FRMD5: variants seen among roughly 807,000 people sequenced by gnomAD.
FRMD5 encodes the protein FERM domain-containing protein 5.
A neutral mutation model predicts 69.0 loss-of-function variants in FRMD5; 20 were observed. The observed-to-expected ratio is 0.29, with a 90% confidence interval of 0.20 to 0.42. FRMD5 has a LOEUF of 0.42. Ranked by LOEUF, FRMD5 falls within the 10% of genes least tolerant of loss-of-function variation. The pLI is 1.00. For synonymous variants in FRMD5, 271 were observed against 260.1 expected, an observed-to-expected ratio of 1.04 and a Z score of -0.40; for missense variants, 595 against 708.6, an observed-to-expected ratio of 0.84 and a Z score of 1.82.
chr15:43,883,646 G>A, intron 13 of FRMD5, 57 bp downstream of exon 13: 1 of 1,253,950 alleles, frequency 8.0e-7, no homozygotes, highest in Non-Finnish European at 1.1e-6. Flanking sequence ...CTCTTTTCAA[G>A]GTCCCAGATC....
chr15:43,905,149 T>C (rs1227079191), intron 6 of FRMD5, among the ~76,000 whole-genome samples: 5 of 150,772 alleles, frequency 3.3e-5, no homozygotes, highest in African/African-American at 1.2e-4. Context: ...TTTTTTTTTT[T>C]TTTTTGAGAT....
At chr15:44,093,660 T>A (rs1339056021) in intron 1 of FRMD5, among the ~76,000 whole-genome samples, 1 of 151,170 alleles carries the variant, frequency 6.6e-6, no homozygotes, top group Non-Finnish European at 1.5e-5. Context: ...GCAAGCTCCA[T>A]CTCCCGGGTT....
chr15:44,181,929 C>A (rs1479718966), intron 1 of FRMD5, among the ~76,000 whole-genome samples: 1 of 151,996 alleles, frequency 6.6e-6, no homozygotes, highest in African/African-American at 2.4e-5. Flanking sequence ...AATAATATCA[C>A]CATATCATAA....
rs760413250 is a variant in FRMD5, at chr15:43,989,514, C to T, written c.103-65205G>A. The T allele has an allele frequency of 2.8e-4, 248 of 894,432 alleles. 1 individual carries two copies. Among genetic ancestry groups the T allele is most frequent in the Middle Eastern group, 1.2e-3 (5 of 4,182 alleles). The allele number at this position is 894,432 out of a possible 1,614,324, so 55.4% of individuals were successfully genotyped here. A position where few individuals can be genotyped will look rare whatever the true frequency, so the allele number is the denominator to read the frequency against. On this transcript the variant is annotated intron_variant, in intron 1 of 13. Transcript: ENST00000417257. ...GAGGCCACCATGGCCATCTCCTGCT[C>T]GAAGTCCAGGGTGACATAGCACAGC...
chr15:43,934,097 G>A (rs2089720385), intron 1 of FRMD5, among the ~76,000 whole-genome samples: 1 of 152,168 alleles, frequency 6.6e-6, no homozygotes, highest in South Asian at 2.1e-4. Context: ...TGGCTGTCAA[G>A]ACCAGCCTTC....
upstream of FRMD5, among the ~76,000 whole-genome samples, chr15:44,198,185 G>A (rs554044611): frequency 8.6e-5 from 13 of 152,014 alleles, no homozygotes; most frequent in African/African-American, 3.1e-4. Context: ...TTAGCTGGGT[G>A]TGGTGGCACA....
chr15:44,096,955 T>C (rs1312897003), intron 1 of FRMD5, among the ~76,000 whole-genome samples: 1 of 152,132 alleles, frequency 6.6e-6, no homozygotes, highest in African/African-American at 2.4e-5. Flanking sequence ...TGATGCTTCA[T>C]ACAAAAAATG....
intron 1 of FRMD5, among the ~76,000 whole-genome samples, chr15:44,153,900 A>G (rs1448442758): frequency 6.6e-6 from 1 of 152,134 alleles, no homozygotes; most frequent in Non-Finnish European, 1.5e-5. Flanking sequence ...CCCAGGAGGT[A>G]GAGGTTGCAG....
chr15:43,999,885 C>T (rs143409202), intron 1 of FRMD5, among the ~76,000 whole-genome samples: 19 of 34,898 alleles, frequency 5.4e-4, no homozygotes, highest in African/African-American at 4.5e-4. Context: ...CAGATACACA[C>T]ATACATGATA....
At chr15:44,183,436 G>T (rs1032453895) in intron 1 of FRMD5, among the ~76,000 whole-genome samples, 4 of 152,156 alleles carry the variant, frequency 2.6e-5, no homozygotes, top group Admixed American at 2.0e-4. Flanking sequence ...ACACAAGTTG[G>T]TCCCCACATC....
intron 13 of FRMD5, among the ~76,000 whole-genome samples, chr15:43,881,015 T>G (rs2088512487): frequency 6.6e-6 from 1 of 152,192 alleles, no homozygotes; most frequent in Non-Finnish European, 1.5e-5. Context: ...TAACCCTACT[T>G]GGCAGCAACT....
intron 1 of FRMD5, chr15:44,101,546 T>C (rs1305563074): frequency 2.6e-5 from 4 of 152,618 alleles, no homozygotes; most frequent in Non-Finnish European, 5.9e-5. Context: ...AAGGTGAAAA[T>C]AGACTTATCA....
At chr15:44,116,891 G>A (rs2076876157) in intron 1 of FRMD5, among the ~76,000 whole-genome samples, 1 of 151,944 alleles carries the variant, frequency 6.6e-6, no homozygotes, top group Non-Finnish European at 1.5e-5. Flanking sequence ...AGACCAGCCT[G>A]GGCAACATGG....
chr15:43,955,372 C>T (rs1197529835), intron 1 of FRMD5, among the ~76,000 whole-genome samples: 2 of 152,196 alleles, frequency 1.3e-5, no homozygotes, highest in Non-Finnish European at 2.9e-5. Context: ...ATCATTAGAC[C>T]AAGGGCAAGT....
In FRMD5 at chr15:43,873,632, T is replaced by G. The variant is rs16941208; in HGVS notation, c.*253A>C. On this transcript the variant is annotated 3_prime_UTR_variant, in exon 14 of 14. Coordinates refer to ENST00000417257, the MANE Select transcript of FRMD5 (RefSeq NM_032892.5). Reference sequence around the variant, plus strand: ...AAAATTATCCTGCAAATTGGAAAGATGAGAAACAGAGTCGCTGAGCCTTTC... The same window carrying G: ...AAAATTATCCTGCAAATTGGAAAGAGGAGAAACAGAGTCGCTGAGCCTTTC... The G allele has an allele frequency of 9.8e-4, 1,441 of 1,474,520 alleles. 9 individuals are homozygous for G. In the African/African-American group the frequency reaches 0.014, roughly 15 times the overall value. The allele number at this position is 1,474,520 out of a possible 1,614,324, so 91.3% of individuals were successfully genotyped here.
intron 1 of FRMD5, among the ~76,000 whole-genome samples, chr15:44,112,979 T>G (rs144247692): frequency 5.4e-4 from 83 of 152,336 alleles, no homozygotes; most frequent in African/African-American, 1.9e-3. Flanking sequence ...TTAAGCTTCA[T>G]TAGTGAATAC....
In FRMD5 at chr15:43,879,803, A is replaced by G. The variant is rs564476881; in HGVS notation, c.1135+3900T>C. On this transcript the variant is annotated intron_variant, in intron 13 of 13. Coordinates refer to ENST00000417257, the MANE Select transcript of FRMD5 (RefSeq NM_032892.5). ...GGAACAAAGGATTTCTGCAGATCCC[A>G]CATCATAGCAGCCCCTTGGCAGTGC... is the stretch of plus-strand genomic sequence containing the variant. 10 of 397,336 alleles carry G rather than the reference A, an allele frequency of 2.5e-5. No individual in the cohort carries two copies. The South Asian group carries it at 1.4e-3, about 57-fold the overall frequency. 24.6% of individuals were successfully genotyped at this position (397,336 alleles called of 1,614,324 possible). A position where few individuals can be genotyped will look rare whatever the true frequency, so the allele number is the denominator to read the frequency against.
At chr15:44,004,602 C>T (rs1890354861) in intron 1 of FRMD5, among the ~76,000 whole-genome samples, 1 of 152,198 alleles carries the variant, frequency 6.6e-6, no homozygotes, top group African/African-American at 2.4e-5. Flanking sequence ...AGATGGCAAA[C>T]TTAACAAATG....
intron 1 of FRMD5, among the ~76,000 whole-genome samples, chr15:44,119,184 T>C (rs1000550925): frequency 6.6e-6 from 1 of 152,164 alleles, no homozygotes; most frequent in African/African-American, 2.4e-5. Flanking sequence ...GTCAAACTCC[T>C]GCTGGGCTCA....
Sources: allele counts gnomAD v4.1 joint callset (sites outside exome capture counted in the v4.1 genomes callset), GRCh38; gene constraint gnomAD v4.1.1; transcripts MANE v1.5; gene names NCBI Gene and HGNC (gene_info 2026-07-23, HGNC 2026-07-21).